CDC14A: variants seen among roughly 807,000 people sequenced by gnomAD.
CDC14A encodes the protein dual specificity protein phosphatase CDC14A.
In CDC14A, 53 loss-of-function variants were observed where a neutral mutation model predicts 74.4. That is an observed-to-expected ratio of 0.71 (90% CI 0.57 to 0.89). The LOEUF (loss-of-function observed/expected upper bound fraction) is 0.89. Among genes scored for constraint, CDC14A ranks in the 40% least tolerant of loss-of-function variants. The probability of loss-of-function intolerance (pLI) is 0.00; values close to 1 mark genes in which losing one functional copy is unlikely to be tolerated. For synonymous variants in CDC14A, 247 were observed against 258.4 expected, an observed-to-expected ratio of 0.96 and a Z score of 0.43; for missense variants, 646 against 713.7, an observed-to-expected ratio of 0.91 and a Z score of 1.08.
At chr1:100,436,252 G>A (rs1664326673) in intron 5 of CDC14A, among the ~76,000 whole-genome samples, 1 of 152,100 alleles carries the variant, frequency 6.6e-6, no homozygotes, top group African/African-American at 2.4e-5. Flanking sequence ...GGTGAGTTGA[G>A]GAAAATCAAC....
chr1:100,397,214 C>T (rs1035594063), intron 4 of CDC14A, among the ~76,000 whole-genome samples: 1 of 152,066 alleles, frequency 6.6e-6, no homozygotes, highest in African/African-American at 2.4e-5. Flanking sequence ...GCACTGGAGA[C>T]CACAGTGACA....
At chr1:100,484,624 C>T in intron 11 of CDC14A, 173 bp downstream of exon 11, 1 of 1,207,468 alleles carries the variant, frequency 8.3e-7, no homozygotes. Flanking sequence ...AACCAATTGC[C>T]CTTAAAAAAA....
chr1:100,485,869 AG>A (rs770410951), intron 11 of CDC14A: 1 of 152,266 alleles, frequency 6.6e-6, no homozygotes, highest in Non-Finnish European at 1.5e-5. Flanking sequence ...TTTTAAGCCC[AG>A]TGCTCTGTTC....
intron 2 of CDC14A, among the ~76,000 whole-genome samples, chr1:100,354,578 C>G (rs1651615236): frequency 6.6e-6 from 1 of 152,330 alleles, no homozygotes; most frequent in South Asian, 2.1e-4. Flanking sequence ...TATCTTAATA[C>G]TTCAGGCATA....
chr1:100,505,187 T>C (rs1248065515), intron 15 of CDC14A, among the ~76,000 whole-genome samples: 1 of 152,208 alleles, frequency 6.6e-6, no homozygotes, highest in African/African-American at 2.4e-5. Flanking sequence ...AAATGAAATA[T>C]TGTGTGCTTC....
At chr1:100,360,048 T>C (rs553939838) in intron 2 of CDC14A, among the ~76,000 whole-genome samples, 1 of 150,892 alleles carries the variant, frequency 6.6e-6, no homozygotes, top group South Asian at 2.1e-4. Context: ...GTTCAACCGA[T>C]TCTCGTGCCT....
At chr1:100,507,612 T>C (rs1025371018) in intron 15 of CDC14A, among the ~76,000 whole-genome samples, 9 of 151,820 alleles carry the variant, frequency 5.9e-5, no homozygotes, top group Non-Finnish European at 1.2e-4. Flanking sequence ...ACTATCTTTT[T>C]GGATATTGCT....
chr1:100,499,338 C>T, intron 15 of CDC14A, 76 bp downstream of exon 15: 1 of 1,613,880 alleles, frequency 6.2e-7, no homozygotes, highest in Non-Finnish European at 8.5e-7. Flanking sequence ...CCAGCCGAGG[C>T]TGCCACCAAA....
intron 2 of CDC14A, among the ~76,000 whole-genome samples, chr1:100,366,341 G>T (rs528721667): frequency 9.2e-5 from 14 of 152,270 alleles, no homozygotes; most frequent in African/African-American, 3.4e-4. Flanking sequence ...TTGGAATGTA[G>T]CTTATCTTTT....
chr1:100,499,434 C>T (rs1464788633), intron 15 of CDC14A, 172 bp downstream of exon 15: 1 of 1,500,808 alleles, frequency 6.7e-7, no homozygotes, highest in African/African-American at 1.4e-5. Flanking sequence ...TCTGCTAGCT[C>T]CTCTTCAAGT....
chr1:100,436,149 A>T (rs191769943), intron 5 of CDC14A, among the ~76,000 whole-genome samples: 1 of 152,170 alleles, frequency 6.6e-6, no homozygotes, highest in Non-Finnish European at 1.5e-5. Context: ...AAAATTCCTT[A>T]GAAGGGATCT....
intron 15 of CDC14A, among the ~76,000 whole-genome samples, chr1:100,499,757 T>C (rs111819360): frequency 0.011 from 1,703 of 152,288 alleles, 14 homozygotes; most frequent in Non-Finnish European, 0.016. Context: ...GAACAGTATC[T>C]TCCTAGAACT....
Position 100,352,847 on chromosome 1 carries a change from T to G in CDC14A, c.-108T>G, listed in dbSNP as rs929027324. The G allele has an allele frequency of 6.4e-7, 1 of 1,554,640 alleles. No individual in the cohort carries two copies. Among genetic ancestry groups the G allele is most frequent in the Non-Finnish European group, 8.7e-7 (1 of 1,153,776 alleles). ...TGCTGCCTCCCTCGGCCAGGCTTGT[T>G]GTTCGGGACTGTGAGCTTCCTGGCT... On this transcript the variant is annotated 5_prime_UTR_variant, in exon 1 of 16. Coordinates refer to ENST00000336454, the MANE Select transcript of CDC14A (RefSeq NM_003672.4).
chr1:100,458,558 C>G (rs1666961072), intron 8 of CDC14A, among the ~76,000 whole-genome samples: 1 of 152,138 alleles, frequency 6.6e-6, no homozygotes, highest in Non-Finnish European at 1.5e-5. Context: ...ATTTTAAGAT[C>G]TAATATTCAC....
intron 10 of CDC14A, among the ~76,000 whole-genome samples, chr1:100,475,064 TC>T (rs1485925538): frequency 6.6e-6 from 1 of 152,184 alleles, no homozygotes; most frequent in Non-Finnish European, 1.5e-5. Context: ...TTTGTTATAG[TC>T]CCACAGCTCT....
intron 13 of CDC14A, 76 bp from the exon 14 acceptor site, chr1:100,498,009 T>C: frequency 4.8e-6 from 7 of 1,457,972 alleles, no homozygotes; most frequent in Non-Finnish European, 6.6e-6. Flanking sequence ...GATTAATTTA[T>C]CTTGTCCTAG....
intron 7 of CDC14A, among the ~76,000 whole-genome samples, chr1:100,443,459 C>A (rs1335922605): frequency 6.6e-6 from 1 of 151,880 alleles, no homozygotes; most frequent in Non-Finnish European, 1.5e-5. Context: ...CCTCAGCCTC[C>A]CAAGCAGCTG....
chr1:100,383,658 T>C (rs1450102011), intron 3 of CDC14A: 1 of 152,630 alleles, frequency 6.6e-6, no homozygotes, highest in Non-Finnish European at 1.5e-5. Flanking sequence ...AATGATGCCT[T>C]GGTCATTGCG....
intron 4 of CDC14A, among the ~76,000 whole-genome samples, chr1:100,394,459 G>T (rs1416967278): frequency 2.6e-5 from 4 of 152,114 alleles, no homozygotes; most frequent in Non-Finnish European, 4.4e-5. Flanking sequence ...GTTTTGTTTA[G>T]TGTGGTTCTT....
Sources: gnomAD v4.1 joint callset for allele counts (sites outside exome capture counted in the v4.1 genomes callset) on GRCh38, gnomAD v4.1.1 for gene constraint, MANE v1.5 for transcripts, NCBI Gene and HGNC (gene_info 2026-07-23, HGNC 2026-07-21) for gene names.